The following CFAP20DC variants were observed in gnomAD, a reference collection of about 807,000 sequenced individuals.
CFAP20DC encodes the protein protein CFAP20DC.
CFAP20DC carries 84 observed loss-of-function variants against 101.7 expected under a neutral mutation model. That is an observed-to-expected ratio of 0.83 (90% confidence interval 0.69 to 0.99). The LOEUF is 0.99. Among genes scored for constraint, CFAP20DC ranks in the 50% least tolerant of loss-of-function variants. The pLI, the probability that CFAP20DC is intolerant of heterozygous loss-of-function variation, is 0.00. For synonymous variants in CFAP20DC, 359 were observed against 351.2 expected, an observed-to-expected ratio of 1.02 and a Z score of -0.25; for missense variants, 1,007 against 970.3, an observed-to-expected ratio of 1.04 and a Z score of -0.50.
chr3:58,880,305 A>G (rs2081136833), intron 7 of CFAP20DC, among the ~76,000 whole-genome samples: 1 of 152,160 alleles, frequency 6.6e-6, no homozygotes, highest in Non-Finnish European at 1.5e-5. Flanking sequence ...TCTATCAATG[A>G]GATCATACTG....
At chr3:58,934,046 CAG>C (rs1559850848) in intron 5 of CFAP20DC, among the ~76,000 whole-genome samples, 1 of 151,948 alleles carries the variant, frequency 6.6e-6, no homozygotes, top group East Asian at 1.9e-4. Flanking sequence ...AAGAAGAAAA[CAG>C]AGAAGAATCA....
intron 14 of CFAP20DC, among the ~76,000 whole-genome samples, chr3:58,824,742 T>G (rs1412456293): frequency 1.3e-5 from 2 of 152,174 alleles, no homozygotes; most frequent in South Asian, 4.1e-4. Context: ...CTCTGCAACA[T>G]GCCATGTTGA....
chr3:58,936,471 A>C (rs1576386245), intron 5 of CFAP20DC, among the ~76,000 whole-genome samples: 2 of 152,204 alleles, frequency 1.3e-5, no homozygotes, highest in Admixed American at 1.3e-4. Context: ...AGACACATGC[A>C]CACGTATGTT....
intron 4 of CFAP20DC, among the ~76,000 whole-genome samples, chr3:58,999,843 T>TAAAAAAAAAAAAAAAAAAAAAAAAAAAA (rs565894929): frequency 3.9e-5 from 3 of 76,762 alleles, no homozygotes; most frequent in African/African-American, 4.4e-5. Flanking sequence ...GTCACTAATG[T>TAAAAAAAAAAAAAAAAAAAAAAAAAAAA]AAAAAAAAAA....
At chr3:58,845,279 G>T (rs1353992118) in intron 13 of CFAP20DC, among the ~76,000 whole-genome samples, 26 of 150,538 alleles carry the variant, frequency 1.7e-4, no homozygotes, top group Non-Finnish European at 1.2e-4. Flanking sequence ...GACTAATAAA[G>T]AAAAAAAGAG....
chr3:58,853,927 G>C (rs2078503451), intron 12 of CFAP20DC, among the ~76,000 whole-genome samples: 1 of 151,550 alleles, frequency 6.6e-6, no homozygotes, highest in Non-Finnish European at 1.5e-5. Context: ...ACTGGCACAA[G>C]ACAGGGATGC....
chr3:58,752,176 G>A (rs1183314245), intron 16 of CFAP20DC, among the ~76,000 whole-genome samples: 5 of 152,054 alleles, frequency 3.3e-5, no homozygotes, highest in African/African-American at 9.7e-5. Flanking sequence ...TTTTTTGATG[G>A]TGTTAATTAA....
At chr3:59,004,116 A>C (rs907912081) in intron 4 of CFAP20DC, among the ~76,000 whole-genome samples, 3 of 152,198 alleles carry the variant, frequency 2.0e-5, no homozygotes, top group African/African-American at 7.2e-5. Context: ...AAGGGGGTCA[A>C]GCTAGAAAGA....
chr3:59,032,524 C>T (rs1158062055), intron 4 of CFAP20DC, among the ~76,000 whole-genome samples: 1 of 152,132 alleles, frequency 6.6e-6, no homozygotes, highest in African/African-American at 2.4e-5. Context: ...GAGGGGCATC[C>T]ACCATTACTG....
At position 58,722,866 on chromosome 3, in the gene CFAP20DC, G is replaced by A. The variant is rs996553930; in HGVS notation, c.198-5238C>T. Among the ~76,000 whole-genome samples, 1 of 152,182 alleles carries A rather than the reference G, an allele frequency of 6.6e-6. No homozygotes were observed. Among genetic ancestry groups the A allele is most frequent in the African/African-American group, 2.4e-5 (1 of 41,432 alleles). On this transcript the variant is annotated intron_variant, in intron 3 of 3. Transcript: ENST00000486145. The surrounding 1 kb of genome is among the most constrained non-coding windows in gnomAD (Gnocchi z 4.5). ...GCCTCCCAGCAGAACTGTCTGTGGT[G>A]GAAATACCTGGGTGGTCTGATTCAA...
chr3:59,023,797 G>T (rs944062401), intron 4 of CFAP20DC, among the ~76,000 whole-genome samples: 1 of 152,080 alleles, frequency 6.6e-6, no homozygotes, highest in Non-Finnish European at 1.5e-5. Context: ...TTTAAATGTG[G>T]TTGAAAACTG....
At position 59,010,112 on chromosome 3, in the gene CFAP20DC, C is replaced by G. The variant is rs975403651; in HGVS notation, c.278+29445G>C. 2.0e-5 allele frequency among the ~76,000 whole-genome samples: 3 copies of G among 151,802 alleles called. No individual in the cohort carries two copies. In the East Asian group the frequency reaches 5.8e-4, roughly 29 times the overall value. ...ACACCAAAATAGAACCTCCTTAAAGCATAAATCTCACAGGGCCTAGAAAAC... is the reference window on the plus strand; with the variant it reads ...ACACCAAAATAGAACCTCCTTAAAGGATAAATCTCACAGGGCCTAGAAAAC... On this transcript the variant is annotated intron_variant, in intron 4 of 16. Coordinates refer to ENST00000482387, the MANE Select transcript of CFAP20DC (RefSeq NM_001394063.1).
intron 6 of CFAP20DC, among the ~76,000 whole-genome samples, chr3:58,904,236 T>C (rs1242489070): frequency 6.6e-6 from 1 of 152,108 alleles, no homozygotes; most frequent in African/African-American, 2.4e-5. Flanking sequence ...TTGGATGCTA[T>C]TGTAAATGGA....
intron 1 of CFAP20DC, among the ~76,000 whole-genome samples, chr3:59,047,863 T>C (rs978043124): frequency 1.2e-4 from 19 of 152,144 alleles, no homozygotes; most frequent in African/African-American, 4.6e-4. Context: ...ATTCAAAAAA[T>C]GGGAAGGGAA....
chr3:58,885,103 T>C (rs898742761), intron 6 of CFAP20DC, among the ~76,000 whole-genome samples: 3 of 152,172 alleles, frequency 2.0e-5, no homozygotes, highest in African/African-American at 4.8e-5. Flanking sequence ...TACAAAGATA[T>C]TGAATAACCT....
At chr3:58,974,734 G>T (rs1234433041) in intron 4 of CFAP20DC, among the ~76,000 whole-genome samples, 3 of 152,132 alleles carry the variant, frequency 2.0e-5, no homozygotes, top group South Asian at 2.1e-4. Context: ...AGGTTGTTAG[G>T]GGGAGGGTGG....
At chr3:59,025,391 T>C (rs1001902133) in intron 4 of CFAP20DC, among the ~76,000 whole-genome samples, 5 of 152,224 alleles carry the variant, frequency 3.3e-5, no homozygotes, top group Admixed American at 2.6e-4. Context: ...ACAAGTAGCA[T>C]GAAAATTTCA....
At chr3:58,970,383 G>T (rs1480155635) in intron 4 of CFAP20DC, 4 of 152,170 alleles carry the variant, frequency 2.6e-5, no homozygotes, top group African/African-American at 9.7e-5. Flanking sequence ...AAGACAGACG[G>T]AGAGGATGCT....
intron 5 of CFAP20DC, among the ~76,000 whole-genome samples, chr3:58,918,384 A>G (rs991510671): frequency 4.6e-5 from 7 of 152,074 alleles, no homozygotes; most frequent in Non-Finnish European, 7.4e-5. Flanking sequence ...TGTCACTCCT[A>G]CAGATGCATC....
Sources: allele counts gnomAD v4.1 joint callset (sites outside exome capture counted in the v4.1 genomes callset), GRCh38; gene constraint gnomAD v4.1.1; non-coding constraint Gnocchi (gnomAD v3.1); transcripts MANE v1.5; gene names NCBI Gene and HGNC (gene_info 2026-07-23, HGNC 2026-07-21).